The following KRAS variants were observed in gnomAD, a reference collection of about 807,000 sequenced individuals.
KRAS encodes GTPase KRas.
In KRAS, 1 loss-of-function variant was observed where a neutral mutation model predicts 21.0. The ratio of observed to expected loss-of-function variants is 0.05; its 90% CI spans 0.02 to 0.23. The LOEUF (loss-of-function observed/expected upper bound fraction) is 0.23. Among genes scored for constraint, KRAS ranks in the 10% least tolerant of loss-of-function variants. The probability of loss-of-function intolerance (pLI) is 1.00; values close to 1 mark genes in which losing one functional copy is unlikely to be tolerated. For missense variants in KRAS, 107 were observed against 221.8 expected, an observed-to-expected ratio of 0.48 and a Z score of 3.29; for synonymous variants, 67 against 72.5, an observed-to-expected ratio of 0.92 and a Z score of 0.39.
intron 4 of KRAS, chr12:25,215,578 ACTT>A: frequency 6.2e-7 from 1 of 1,600,462 alleles, no homozygotes; most frequent in Non-Finnish European, 8.6e-7. Flanking sequence ...GTAAAACACA[ACTT>A]CTTTAAAGTC....
chr12:25,233,407 A>T (rs888446670), intron 2 of KRAS, among the ~76,000 whole-genome samples: 1 of 152,076 alleles, frequency 6.6e-6, no homozygotes, highest in Non-Finnish European at 1.5e-5. Flanking sequence ...TACAAAAAAA[A>T]ATTAGGTGTG....
At chr12:25,246,280 G>A (rs1168121710) in intron 1 of KRAS, among the ~76,000 whole-genome samples, 12 of 152,150 alleles carry the variant, frequency 7.9e-5, no homozygotes, top group Admixed American at 3.9e-4. Flanking sequence ...TTAGAAAGCC[G>A]GGTGCGGCGG....
chr12:25,229,410 G>C (rs777871731), intron 2 of KRAS, among the ~76,000 whole-genome samples: 8 of 152,130 alleles, frequency 5.3e-5, no homozygotes, highest in Admixed American at 6.5e-5. Context: ...TAATCTAACA[G>C]CCAGATGGAT....
chr12:25,233,996 T>C (rs1292280068), intron 2 of KRAS: 6 of 193,570 alleles, frequency 3.1e-5, no homozygotes, highest in East Asian at 8.2e-5. Flanking sequence ...ACTTTCAATG[T>C]AACAGTGTGC....
At chr12:25,215,908 T>C (rs977915589) in intron 4 of KRAS, among the ~76,000 whole-genome samples, 1 of 152,254 alleles carries the variant, frequency 6.6e-6, no homozygotes, top group African/African-American at 2.4e-5. Flanking sequence ...AAACTGAAGT[T>C]AGCTTTAAAT....
rs1227157468 is a variant in KRAS, at chr12:25,229,098, G to A, written c.112-1686C>T. Reference sequence around the variant, plus strand: ...AAACAAATGAAAGAAAACTACCATGGTAAACTTTATGTTATGCATATTTTA... The same window carrying A: ...AAACAAATGAAAGAAAACTACCATGATAAACTTTATGTTATGCATATTTTA... On this transcript the variant is annotated intron_variant, in intron 2 of 4. Coordinates refer to ENST00000311936, the MANE Select transcript of KRAS (RefSeq NM_004985.5). 2.6e-5 allele frequency among the ~76,000 whole-genome samples: 4 copies of A among 151,872 alleles called. No individual in the cohort carries two copies. The South Asian group carries it at 6.2e-4, about 24-fold the overall frequency.
At chr12:25,246,789 C>T (rs1433108978) in intron 1 of KRAS, among the ~76,000 whole-genome samples, 3 of 151,788 alleles carry the variant, frequency 2.0e-5, no homozygotes, top group African/African-American at 4.8e-5. Context: ...TGGTGGCGGG[C>T]GCCTGTAGTC....
At chr12:25,237,154 T>C (rs1459208030) in intron 2 of KRAS, among the ~76,000 whole-genome samples, 1 of 152,158 alleles carries the variant, frequency 6.6e-6, no homozygotes. Flanking sequence ...AAAGGCCACG[T>C]CTGTACGATT....
At position 25,208,930 on chromosome 12, in the gene KRAS, A is replaced by G. The variant is rs559143985; in HGVS notation, c.*865T>C. The G allele has an allele frequency of 8.3e-4, 231 of 279,710 alleles. No individual in the cohort carries two copies. The highest frequency in any genetic ancestry group is 3.9e-3 in the African/African-American group (184 of 46,618). The allele number at this position is 279,710 out of a possible 1,614,324, so 17.3% of individuals were successfully genotyped here. ...AAGATTTAAAGTTATACTATGAAAG[A>G]GCAGTCTGACACAGGGAGACTACAT... On this transcript the variant is annotated 3_prime_UTR_variant, in exon 5 of 5. Transcript: ENST00000311936.
intron 4 of KRAS, among the ~76,000 whole-genome samples, chr12:25,214,814 T>C (rs1008193429): frequency 2.6e-5 from 4 of 152,054 alleles, no homozygotes; most frequent in African/African-American, 9.7e-5. Flanking sequence ...AATGATGACA[T>C]AAAAGACACA....
intron 3 of KRAS, among the ~76,000 whole-genome samples, chr12:25,225,985 C>A (rs1951387533): frequency 6.6e-6 from 1 of 151,994 alleles, no homozygotes; most frequent in Non-Finnish European, 1.5e-5. Context: ...AGATCAAATA[C>A]CTAGAAGTAT....
chr12:25,229,402 A>G (rs939845287), intron 2 of KRAS, among the ~76,000 whole-genome samples: 4 of 152,230 alleles, frequency 2.6e-5, no homozygotes, highest in African/African-American at 9.6e-5. Flanking sequence ...TGGAAAAATA[A>G]TCTAACAGCC....
intron 1 of KRAS, among the ~76,000 whole-genome samples, chr12:25,248,456 A>C (rs1256273329): frequency 6.6e-6 from 1 of 152,114 alleles, no homozygotes; most frequent in Non-Finnish European, 1.5e-5. Context: ...TCTCTCAAAA[A>C]AACAAAGAGG....
In KRAS at chr12:25,206,742, G is replaced by C. The variant is rs1388521284; in HGVS notation, c.*3053C>G. On this transcript the variant is annotated 3_prime_UTR_variant, in exon 5 of 5. Transcript: ENST00000311936. ...AAATCATAGTGATTTTTACATAGAA[G>C]TTTCCTTGTCTGTGAACTAGTTCAG... is the stretch of plus-strand genomic sequence containing the variant. The C allele has an allele frequency of 5.1e-6, 1 of 196,628 alleles. No homozygotes were observed. Among genetic ancestry groups the C allele is most frequent in the East Asian group, 8.0e-5 (1 of 12,480 alleles). The allele number at this position is 196,628 out of a possible 1,614,324, so 12.2% of individuals were successfully genotyped here.
In KRAS at chr12:25,209,262, G is replaced by T. The variant is rs769015543; in HGVS notation, c.*533C>A. 4.3e-5 allele frequency: 29 copies of T among 679,732 alleles called. No homozygotes were observed. In the East Asian group the frequency reaches 4.7e-4, roughly 11 times the overall value. 42.1% of individuals were successfully genotyped at this position (679,732 alleles called of 1,614,324 possible). ...AGTGGAAAGGAGACAAAACCTTTGTGAACAGTGTAACTTTACATTCATCAG... is the reference window on the plus strand; with the variant it reads ...AGTGGAAAGGAGACAAAACCTTTGTTAACAGTGTAACTTTACATTCATCAG... On this transcript the variant is annotated 3_prime_UTR_variant, in exon 5 of 5. Transcript: ENST00000311936.
chr12:25,247,387 G>A (rs1412919398), intron 1 of KRAS, among the ~76,000 whole-genome samples: 2 of 152,244 alleles, frequency 1.3e-5, no homozygotes, highest in East Asian at 1.9e-4. Flanking sequence ...ACACGGTCAC[G>A]GCATAGTTCC....
chr12:25,222,436 C>T (rs1310467144), intron 4 of KRAS, among the ~76,000 whole-genome samples: 1 of 151,898 alleles, frequency 6.6e-6, no homozygotes, highest in South Asian at 2.1e-4. Flanking sequence ...GGCAAATCAA[C>T]AAGTCCATTT....
At position 25,208,167 on chromosome 12, in the gene KRAS, T is replaced by TA. The variant is rs71065923; in HGVS notation, c.*1627dup. The TA allele has an allele frequency of 0.54, 119,208 of 218,928 alleles. 26,445 individuals are homozygous for TA. Among genetic ancestry groups the TA allele is most frequent in the South Asian group, 0.68 (3,628 of 5,352 alleles). The allele number at this position is 218,928 out of a possible 1,614,324, so 13.6% of individuals were successfully genotyped here. On this transcript the variant is annotated 3_prime_UTR_variant, in exon 5 of 5. Transcript: ENST00000311936. ...AAATGGAATATAAATTACATAGTTGTAAAAAAAAAAAACTAAGAGTTTGAG... is the reference window on the plus strand; with the variant it reads ...AAATGGAATATAAATTACATAGTTGTAAAAAAAAAAAAACTAAGAGTTTGAG...
intron 2 of KRAS, among the ~76,000 whole-genome samples, chr12:25,232,003 C>G (rs534777833): frequency 6.6e-6 from 1 of 151,914 alleles, no homozygotes; most frequent in African/African-American, 2.4e-5. Context: ...GTTCCAAGAC[C>G]CCCCCAGCCT....
Sources: gnomAD v4.1 joint callset for allele counts (sites outside exome capture counted in the v4.1 genomes callset) on GRCh38, gnomAD v4.1.1 for gene constraint, MANE v1.5 for transcripts, NCBI Gene and HGNC (gene_info 2026-07-23, HGNC 2026-07-21) for gene names.